The following NDST3 variants were observed in gnomAD, a reference collection of about 807,000 sequenced individuals.
NDST3 encodes the protein N-deacetylase and N-sulfotransferase 3.
NDST3 carries 58 observed loss-of-function variants against 96.1 expected under a neutral mutation model. That is an observed-to-expected ratio of 0.60 (90% confidence interval 0.49 to 0.75). The LOEUF is 0.75. Ranked by LOEUF, NDST3 falls within the 30% of genes least tolerant of loss-of-function variation. The pLI, the probability that NDST3 is intolerant of heterozygous loss-of-function variation, is 0.00. For missense variants in NDST3, 788 were observed against 1,034.2 expected, an observed-to-expected ratio of 0.76 and a Z score of 3.27; for synonymous variants, 333 against 359.7, an observed-to-expected ratio of 0.93 and a Z score of 0.84.
At chr4:118,180,495 A>G (rs1736541282) in intron 6 of NDST3, among the ~76,000 whole-genome samples, 1 of 152,166 alleles carries the variant, frequency 6.6e-6, no homozygotes, top group African/African-American at 2.4e-5. Flanking sequence ...GGTACAAAGA[A>G]GTACACAGAT....
At chr4:118,110,714 A>G (rs1392937051) in intron 3 of NDST3, among the ~76,000 whole-genome samples, 2 of 152,208 alleles carry the variant, frequency 1.3e-5, no homozygotes, top group Non-Finnish European at 2.9e-5. Context: ...GTGATAAGTT[A>G]AGAAATGGCA....
intron 2 of NDST3, among the ~76,000 whole-genome samples, chr4:118,060,333 T>A (rs555628645): frequency 6.6e-6 from 1 of 152,222 alleles, no homozygotes; most frequent in South Asian, 2.1e-4. Flanking sequence ...ATTAATGTTG[T>A]TTTGCCTTTG....
chr4:118,209,569 A>G (rs1467684090), intron 6 of NDST3, among the ~76,000 whole-genome samples: 2 of 152,244 alleles, frequency 1.3e-5, no homozygotes, highest in African/African-American at 4.8e-5. Flanking sequence ...ATTGATCATC[A>G]ATCTTTAGCT....
chr4:118,161,207 T>A (rs1578747407), intron 6 of NDST3, among the ~76,000 whole-genome samples: 1 of 152,320 alleles, frequency 6.6e-6, no homozygotes, highest in South Asian at 2.1e-4. Context: ...CTGCGAATGC[T>A]GCTGTCTGAT....
At chr4:118,093,019 G>A (rs1490014215) in intron 2 of NDST3, among the ~76,000 whole-genome samples, 1 of 18,678 alleles carries the variant, frequency 5.4e-5, no homozygotes, top group Non-Finnish European at 3.7e-3. Context: ...GAGACTTAGG[G>A]GCAGAGAAAA....
At chr4:118,088,173 T>C (rs1305606025) in intron 2 of NDST3, among the ~76,000 whole-genome samples, 1 of 152,010 alleles carries the variant, frequency 6.6e-6, no homozygotes, top group African/African-American at 2.4e-5. Context: ...TTTAAAAATA[T>C]GTACTGTGAA....
chr4:118,203,696 G>T (rs1400102192), intron 6 of NDST3, among the ~76,000 whole-genome samples: 1 of 152,106 alleles, frequency 6.6e-6, no homozygotes, highest in African/African-American at 2.4e-5. Context: ...GTAAGATTTT[G>T]CTATTTCTAA....
chr4:118,106,921 T>C (rs146729859), intron 3 of NDST3, among the ~76,000 whole-genome samples: 1 of 152,206 alleles, frequency 6.6e-6, no homozygotes, highest in African/African-American at 2.4e-5. Context: ...AAAACCTGTC[T>C]CTACTAAAAA....
chr4:118,213,734 T>C (rs975291446), intron 6 of NDST3, among the ~76,000 whole-genome samples: 7 of 150,180 alleles, frequency 4.7e-5, no homozygotes, highest in South Asian at 2.1e-4. Context: ...TTATAATATA[T>C]ACTTTTTTAT....
chr4:118,059,246 T>C (rs1034997101), intron 2 of NDST3, among the ~76,000 whole-genome samples: 1 of 152,154 alleles, frequency 6.6e-6, no homozygotes, highest in Non-Finnish European at 1.5e-5. Flanking sequence ...CTGGAGGTAC[T>C]CAACAGCCAC....
intron 2 of NDST3, among the ~76,000 whole-genome samples, chr4:118,096,742 C>T (rs1729350435): frequency 1.3e-5 from 2 of 151,658 alleles, no homozygotes; most frequent in South Asian, 2.1e-4. Context: ...AAGGAATTGG[C>T]TTATGAGGTT....
In NDST3 at chr4:118,053,939, A is replaced by G. The variant is rs957877490; in HGVS notation, c.29A>G (p.His10Arg). The G allele has an allele frequency of 1.2e-6, 2 of 1,609,110 alleles. No homozygotes were observed. The highest frequency in any genetic ancestry group is 1.7e-6 in the Non-Finnish European group (2 of 1,177,044). ...AGTTTTATCATGAAGCTTCACAGAC[A>G]CTTTCAAAGAACAGTCATTCTGCTT... MSFIMKLHR[H>R]FQRTVILLAT... Residue 10 changes from histidine to arginine, a missense_variant, in exon 2 of 14, where the codon CAC becomes CGC. Physicochemically the swap from His to Arg is conservative, Grantham distance 29. Transcript: ENST00000296499.
intron 4 of NDST3, among the ~76,000 whole-genome samples, chr4:118,115,992 CA>C (rs1325734340): frequency 3.9e-5 from 6 of 152,158 alleles, no homozygotes; most frequent in Non-Finnish European, 7.3e-5. Flanking sequence ...AGTGCTCCTC[CA>C]TGCTGATACT....
At chr4:118,125,471 T>C (rs1442814693) in intron 4 of NDST3, among the ~76,000 whole-genome samples, 4 of 152,072 alleles carry the variant, frequency 2.6e-5, no homozygotes, top group Non-Finnish European at 4.4e-5. Flanking sequence ...AGAGAAATAG[T>C]TAGTGGTCAA....
chr4:118,209,336 C>G lies in NDST3; in HGVS notation c.1540-15155C>G, dbSNP rs547833791. Among the ~76,000 whole-genome samples the G allele has an allele frequency of 2.6e-5, 4 of 152,224 alleles. No individual in the cohort carries two copies. The South Asian group carries it at 8.3e-4, about 32-fold the overall frequency. On this transcript the variant is annotated intron_variant, in intron 6 of 13. Transcript: ENST00000296499. Reference sequence around the variant, plus strand: ...CTTTCTAACACTAAAGGAAGAAGAACAGCTGTTGTCTGGCCTCTAACTAAC... The same window carrying G: ...CTTTCTAACACTAAAGGAAGAAGAAGAGCTGTTGTCTGGCCTCTAACTAAC...
At chr4:118,156,169 TAC>T (rs1274924516) in intron 6 of NDST3, among the ~76,000 whole-genome samples, 1 of 152,154 alleles carries the variant, frequency 6.6e-6, no homozygotes, top group East Asian at 1.9e-4. Context: ...ACTCCACCCA[TAC>T]AGAATAATTC....
intron 3 of NDST3, among the ~76,000 whole-genome samples, chr4:118,107,176 A>C (rs1397207901): frequency 1.3e-5 from 2 of 152,184 alleles, no homozygotes; most frequent in Non-Finnish European, 2.9e-5. Flanking sequence ...ACTGCTTCAT[A>C]GTGTCATTAT....
At chr4:118,053,629 G>T in intron 1 of NDST3, 127 bp from the exon 2 acceptor site, 1 of 251,884 alleles carries the variant, frequency 4.0e-6, no homozygotes, top group Non-Finnish European at 7.6e-6. Context: ...GAAAAGGGAG[G>T]GCTTCGAATT....
chr4:118,107,457 A>C (rs867121610), intron 3 of NDST3, among the ~76,000 whole-genome samples: 2 of 152,176 alleles, frequency 1.3e-5, no homozygotes, highest in Non-Finnish European at 2.9e-5. Flanking sequence ...TTAAAAAGAG[A>C]TAATTTTAAA....
Sources: allele counts gnomAD v4.1 joint callset (sites outside exome capture counted in the v4.1 genomes callset), GRCh38; gene constraint gnomAD v4.1.1; transcripts MANE v1.5; gene names NCBI Gene and HGNC (gene_info 2026-07-23, HGNC 2026-07-21).